Variants in SLC24A3 observed in about 807,000 individuals in gnomAD.
The protein encoded by SLC24A3 is sodium/potassium/calcium exchanger 3.
Under a neutral mutation model 75.8 loss-of-function variants are expected in SLC24A3, and 28 were observed. The observed-to-expected ratio is 0.37, with a 90% CI of 0.27 to 0.51. The LOEUF is 0.51. Ranked by LOEUF, SLC24A3 falls within the 20% of genes least tolerant of loss-of-function variation. SLC24A3 has a pLI of 0.94. For missense variants in SLC24A3, 663 were observed against 847.8 expected (o/e 0.78, Z 2.71); for synonymous variants, 372 against 334.1 (o/e 1.11, Z -1.24).
chr20:19,672,133 G>A (rs2122728272), intron 8 of SLC24A3, among the ~76,000 whole-genome samples: 1 of 152,236 alleles, frequency 6.6e-6, no homozygotes. Context: ...GGAGATCGGG[G>A]GGTGTGGAAG....
chr20:19,592,992 C>G (rs892192471), intron 6 of SLC24A3, among the ~76,000 whole-genome samples: 4 of 151,932 alleles, frequency 2.6e-5, no homozygotes, highest in Non-Finnish European at 5.9e-5. Context: ...GACAGGGTTT[C>G]GCCATGTTAG....
Position 19,531,979 on chromosome 20 carries a change from G to A in SLC24A3, c.348+16415G>A, listed in dbSNP as rs111297129. Among the ~76,000 whole-genome samples, 1,367 of 152,294 alleles carry A rather than the reference G, an allele frequency of 9.0e-3. 21 individuals are homozygous for A. Among genetic ancestry groups the A allele is most frequent in the South Asian group, 0.042 (201 of 4,824 alleles). On this transcript the variant is annotated intron_variant, in intron 3 of 16. Coordinates refer to ENST00000328041, the MANE Select transcript of SLC24A3 (RefSeq NM_020689.4). ...GGAAACTGAGGCACAGAGAAATTAA[G>A]CAACTTGCCCAAGGCATGCAGCTCA...
At chr20:19,346,835 T>C (rs1251982247) in intron 2 of SLC24A3, among the ~76,000 whole-genome samples, 1 of 150,004 alleles carries the variant, frequency 6.7e-6, no homozygotes, top group African/African-American at 2.5e-5. Flanking sequence ...CCAAAACCTA[T>C]TGAAATAAAA....
chr20:19,684,401 G>C (rs982550964), intron 11 of SLC24A3, 65 bp downstream of exon 11: 9 of 1,515,212 alleles, frequency 5.9e-6, no homozygotes, highest in South Asian at 2.5e-5. Context: ...AAGGAGAGAA[G>C]GTTTCTTGTT....
At chr20:19,580,643 C>A (rs887526391) in intron 4 of SLC24A3, among the ~76,000 whole-genome samples, 5 of 152,200 alleles carry the variant, frequency 3.3e-5, no homozygotes, top group Admixed American at 6.5e-5. Flanking sequence ...GCAAGTTAAA[C>A]CCCTTTCATC....
intron 2 of SLC24A3, among the ~76,000 whole-genome samples, chr20:19,438,832 T>C (rs564319778): frequency 6.6e-6 from 1 of 151,946 alleles, no homozygotes; most frequent in South Asian, 2.1e-4. Flanking sequence ...GATAGTAAGC[T>C]GCTCGTTGGC....
intron 6 of SLC24A3, among the ~76,000 whole-genome samples, chr20:19,648,286 G>C (rs1456441366): frequency 1.3e-5 from 2 of 152,156 alleles, no homozygotes; most frequent in Non-Finnish European, 2.9e-5. Flanking sequence ...CCTGAGATGA[G>C]AATTGGCTGT....
At chr20:19,621,433 A>G (rs2031803488) in intron 6 of SLC24A3, among the ~76,000 whole-genome samples, 1 of 152,228 alleles carries the variant, frequency 6.6e-6, no homozygotes, top group Admixed American at 6.5e-5. Context: ...GTTTTTAACT[A>G]AAGATACTTA....
At chr20:19,352,120 G>T (rs1291412305) in intron 2 of SLC24A3, among the ~76,000 whole-genome samples, 1 of 151,460 alleles carries the variant, frequency 6.6e-6, no homozygotes, top group African/African-American at 2.4e-5. Context: ...CTGAACCATT[G>T]TCGGTGGGAG....
At chr20:19,517,552 T>A (rs1482367964) in intron 3 of SLC24A3, among the ~76,000 whole-genome samples, 1 of 152,206 alleles carries the variant, frequency 6.6e-6, no homozygotes, top group Non-Finnish European at 1.5e-5. Flanking sequence ...TCCCTAAGAA[T>A]GGGCATGAGT....
rs528612047 is a variant in SLC24A3 at position 19,585,651 on chromosome 20, C to T, written c.612+107C>T. 68 of 1,099,864 alleles carry T rather than the reference C, an allele frequency of 6.2e-5. 1 individual carries two copies. In the South Asian group the frequency reaches 8.9e-4, roughly 14 times the overall value. 68.1% of individuals were successfully genotyped at this position (1,099,864 alleles called of 1,614,324 possible). On this transcript the variant is annotated intron_variant, in intron 6 of 16. Transcript: ENST00000328041. Reference sequence around the variant, plus strand: ...TGCTGGAACACAACTTGCATTAGGGCCCAGTGGTTTGGGCAGCAGTGATTT... The same window carrying T: ...TGCTGGAACACAACTTGCATTAGGGTCCAGTGGTTTGGGCAGCAGTGATTT...
chr20:19,325,730 ATATGTG>A (rs1343972173), intron 2 of SLC24A3, among the ~76,000 whole-genome samples: 4 of 135,506 alleles, frequency 3.0e-5, no homozygotes, highest in Non-Finnish European at 6.1e-5. Flanking sequence ...GCATATATAT[ATATGTG>A]TGTGTGTGTG....
At chr20:19,366,188 A>G (rs1391180250) in intron 2 of SLC24A3, among the ~76,000 whole-genome samples, 1 of 152,042 alleles carries the variant, frequency 6.6e-6, no homozygotes, top group Non-Finnish European at 1.5e-5. Flanking sequence ...TTTTCCTTCC[A>G]TTGCCAAGGA....
intron 2 of SLC24A3, among the ~76,000 whole-genome samples, chr20:19,428,528 C>G (rs182687827): frequency 2.0e-5 from 3 of 152,314 alleles, no homozygotes; most frequent in Non-Finnish European, 2.9e-5. Context: ...GTACTTGCAA[C>G]AGACATTATT....
At chr20:19,332,016 G>A (rs879761207) in intron 2 of SLC24A3, among the ~76,000 whole-genome samples, 18 of 152,162 alleles carry the variant, frequency 1.2e-4, no homozygotes, top group Non-Finnish European at 2.4e-4. Context: ...GGAGGGAGAC[G>A]GAGGTGCTTG....
intron 2 of SLC24A3, among the ~76,000 whole-genome samples, chr20:19,313,028 CTTTTTTT>C (rs747623530): frequency 1.1e-3 from 75 of 68,322 alleles, no homozygotes; most frequent in Non-Finnish European, 1.3e-3. Flanking sequence ...TTTTCTCTTG[CTTTTTTT>C]TTTTTTTTTT....
intron 1 of SLC24A3, among the ~76,000 whole-genome samples, chr20:19,263,791 A>G (rs763557160): frequency 6.6e-6 from 1 of 152,246 alleles, no homozygotes; most frequent in Non-Finnish European, 1.5e-5. Flanking sequence ...AGAATAGGAA[A>G]AAGTGAGAAG....
intron 2 of SLC24A3, among the ~76,000 whole-genome samples, chr20:19,362,514 C>T (rs1005378130): frequency 2.0e-5 from 3 of 152,170 alleles, no homozygotes; most frequent in African/African-American, 7.2e-5. Flanking sequence ...CCTGATCGGC[C>T]ATAGGTACTT....
chr20:19,307,770 A>G (rs1208500241), intron 2 of SLC24A3, among the ~76,000 whole-genome samples: 1 of 152,210 alleles, frequency 6.6e-6, no homozygotes, highest in African/African-American at 2.4e-5. Context: ...CAAGTAAAAT[A>G]AAAATAAAAA....
Sources: allele counts gnomAD v4.1 joint callset (sites outside exome capture counted in the v4.1 genomes callset), GRCh38; gene constraint gnomAD v4.1.1; transcripts MANE v1.5; gene names NCBI Gene and HGNC (gene_info 2026-07-23, HGNC 2026-07-21).